Variants in NDUFS1 observed in about 807,000 individuals in gnomAD.
NDUFS1 encodes the protein NADH:ubiquinone oxidoreductase core subunit S1.
Under a neutral mutation model 84.4 loss-of-function variants are expected in NDUFS1, and 61 were observed. That is an observed-to-expected ratio of 0.72 (90% CI 0.59 to 0.89). The LOEUF is 0.89. Ranked by LOEUF, NDUFS1 falls within the 40% of genes least tolerant of loss-of-function variation. The probability of loss-of-function intolerance (pLI) is 0.00; values close to 1 mark genes in which losing one functional copy is unlikely to be tolerated. For missense variants in NDUFS1, 891 were observed against 890.0 expected, an observed-to-expected ratio of 1.00 and a Z score of -0.01; for synonymous variants, 275 against 290.0, an observed-to-expected ratio of 0.95 and a Z score of 0.53.
At chr2:206,126,454 C>A (rs1691294739) in intron 18 of NDUFS1, 85 bp downstream of exon 18, 4 of 1,247,148 alleles carry the variant, frequency 3.2e-6, no homozygotes, top group African/African-American at 1.5e-5. Flanking sequence ...CTATCAATCA[C>A]AAATTGGAAT....
chr2:206,134,234 A>ACTT lies in NDUFS1; in HGVS notation c.1393-1130_1393-1129insAAG, dbSNP rs1446090860. Among the ~76,000 whole-genome samples the ACTT allele has an allele frequency of 4.6e-5, 7 of 152,252 alleles. No individual in the cohort carries two copies. In the East Asian group the frequency reaches 9.6e-4, roughly 21 times the overall value. ...CACACTCTTTCTCACTTAAAAACTC[A>ACTT]AAGAAGCAACACTGTAGAGTATTAT... On this transcript the variant is annotated intron_variant, in intron 13 of 18. Transcript: ENST00000233190.
intron 10 of NDUFS1, 93 bp from the exon 11 acceptor site, chr2:206,142,924 A>G: frequency 2.6e-6 from 4 of 1,524,022 alleles, no homozygotes; most frequent in African/African-American, 2.8e-5. Context: ...CTTGTTTTCA[A>G]GTACAAAAAA....
intron 15 of NDUFS1, among the ~76,000 whole-genome samples, chr2:206,128,787 A>T (rs1691393684): frequency 6.6e-6 from 1 of 152,010 alleles, no homozygotes. Context: ...TCTCAAAAAA[A>T]AAAATTTTTT....
rs1461984901 is a variant in NDUFS1, at chr2:206,132,945, C to G, written c.1553G>C (p.Arg518Thr). The G allele has an allele frequency of 1.9e-6, 3 of 1,611,828 alleles. No individual in the cohort carries two copies. Among genetic ancestry groups the G allele is most frequent in the Non-Finnish European group, 2.5e-6 (3 of 1,178,172 alleles). Residue 518 changes from arginine to threonine, a missense_variant and splice_region_variant, in exon 14 of 19, where the codon AGG (arginine) becomes ACG (threonine). By Grantham distance (71) the Arg-to-Thr change is moderately conservative (BLOSUM62 -1). Transcript: ENST00000233190. The stretch of plus-strand genomic sequence containing the variant: ...TATATAAAGCAATTACTCAACAAAC[C>G]TATGAAGGATATTCATAACTTTCCA... ...GDWKVMNILH[R>T]IASQVAALDL...
chr2:206,136,435 TTTG>T (rs1425492160), intron 13 of NDUFS1, among the ~76,000 whole-genome samples: 2 of 119,282 alleles, frequency 1.7e-5, no homozygotes, highest in Admixed American at 9.1e-5. Flanking sequence ...TGGTTTTTTT[TTTG>T]TTTTTTTTTT....
At position 206,133,033 on chromosome 2, in the gene NDUFS1, T is replaced by C; in HGVS notation, c.1465A>G (p.Ile489Val). The change falls in exon 14 of 19, where the codon ATT becomes GTT. Residue 489 changes from isoleucine (I) to valine (V), a missense_variant. Physicochemically the swap from Ile to Val is conservative, Grantham distance 29 (BLOSUM62 3). Coordinates refer to ENST00000233190, the MANE Select transcript of NDUFS1 (RefSeq NM_005006.7). ...SALQRNDGAAILAAVSSIAQK... is the reference protein window; with the variant it reads ...SALQRNDGAAVLAAVSSIAQK... Reference sequence around the variant, plus strand: ...GCAATGCTAGAAACAGCTGCAAGAATTGCTGCTCCATCATTTCTTTGGAGT... The same window carrying C: ...GCAATGCTAGAAACAGCTGCAAGAACTGCTGCTCCATCATTTCTTTGGAGT... 1.2e-6 allele frequency: 2 copies of C among 1,613,914 alleles called. No homozygotes were observed. The highest frequency in any genetic ancestry group is 1.7e-6 in the Non-Finnish European group (2 of 1,179,842).
intron 14 of NDUFS1, among the ~76,000 whole-genome samples, chr2:206,132,487 CA>C (rs1371179940): frequency 6.6e-6 from 1 of 151,936 alleles, no homozygotes; most frequent in East Asian, 1.9e-4. Context: ...ACTTGGGAGG[CA>C]GGGGTGGGAG....
rs1690924912 is a variant in NDUFS1 at position 206,115,643 on chromosome 2, T to G, written c.*8542A>C. ...AACAGCACCAGCAAATGCAGTGTAT[T>G]GCAAAATTAAGATAGTGTTGTTCTT... On this transcript the variant is annotated 3_prime_UTR_variant, in exon 19 of 19. Transcript: ENST00000233190. The G allele has an allele frequency of 6.0e-6, 2 of 333,638 alleles. No homozygotes were observed. Among genetic ancestry groups the G allele is most frequent in the South Asian group, 5.5e-5 (2 of 36,606 alleles). 20.7% of individuals were successfully genotyped at this position (333,638 alleles called of 1,614,324 possible).
rs1027219512 is a variant in NDUFS1 at position 206,124,296 on chromosome 2, T to C, written c.2093-20A>G. On this transcript the variant is annotated intron_variant, in intron 18 of 18. Transcript: ENST00000233190. ...TTGAATCTGAAAGATATTAAGAAAA[T>C]GTCATTTTGATAATACAACTTTTTA... 3.2e-6 allele frequency: 5 copies of C among 1,571,014 alleles called. No individual in the cohort carries two copies. Among genetic ancestry groups the C allele is most frequent in the Middle Eastern group, 1.7e-4 (1 of 6,006 alleles).
At chr2:206,132,746 C>T (rs563715207) in intron 14 of NDUFS1, among the ~76,000 whole-genome samples, 199 bp downstream of exon 14, 55 of 152,258 alleles carry the variant, frequency 3.6e-4, no homozygotes, top group African/African-American at 1.1e-3. Flanking sequence ...TCAACACTCA[C>T]TGTTATTTCA....
At chr2:206,148,984 T>C (rs116355445) in intron 5 of NDUFS1, 36 bp downstream of exon 5, 1 of 1,473,254 alleles carries the variant, frequency 6.8e-7, no homozygotes, top group African/African-American at 1.4e-5. Context: ...TTTTCTGCTT[T>C]ATGAAAGGGT....
In NDUFS1 at chr2:206,121,191, T is replaced by G. The variant is rs573813119; in HGVS notation, c.*2994A>C. On this transcript the variant is annotated 3_prime_UTR_variant, in exon 19 of 19. Coordinates refer to ENST00000233190, the MANE Select transcript of NDUFS1 (RefSeq NM_005006.7). The stretch of plus-strand genomic sequence containing the variant: ...TCCAAGGTCTTTCTAGATTGCCTTA[T>G]TCACCTAAAGAGACTTGATCTTGAG... 1 of 152,366 alleles carries G rather than the reference T, an allele frequency of 6.6e-6. No individual in the cohort carries two copies. Among genetic ancestry groups the G allele is most frequent in the Admixed American group, 6.5e-5 (1 of 15,300 alleles). 9.4% of individuals were successfully genotyped at this position (152,366 alleles called of 1,614,324 possible). A position where few individuals can be genotyped will look rare whatever the true frequency, so the allele number is the denominator to read the frequency against.
Position 206,122,629 on chromosome 2 carries a change from C to CAAAAAAAAAAAAAAAAAAAAAAAAA in NDUFS1, c.*1555_*1556insTTTTTTTTTTTTTTTTTTTTTTTTT, listed in dbSNP as rs71034409. 2.3e-4 allele frequency: 17 copies of CAAAAAAAAAAAAAAAAAAAAAAAAA among 75,542 alleles called. 3 individuals are homozygous for CAAAAAAAAAAAAAAAAAAAAAAAAA. The highest frequency in any genetic ancestry group is 1.2e-3 in the African/African-American group (17 of 14,562). The allele number at this position is 75,542 out of a possible 1,614,324, so 4.7% of individuals were successfully genotyped here. On this transcript the variant is annotated 3_prime_UTR_variant, in exon 19 of 19. Coordinates refer to ENST00000233190, the MANE Select transcript of NDUFS1 (RefSeq NM_005006.7). ...TGGGTGACAGAGTAAGACTCCATCT[C>CAAAAAAAAAAAAAAAAAAAAAAAAA]AAAAAAAAAAAAAAAACAAAGGGAA... is the stretch of plus-strand genomic sequence containing the variant.
At position 206,130,097 on chromosome 2, in the gene NDUFS1, T is replaced by C. The variant is rs147685849; in HGVS notation, c.1699A>G (p.Ile567Val). The C allele has an allele frequency of 1.1e-5, 18 of 1,614,162 alleles. No homozygotes were observed. The African/African-American group carries it at 2.0e-4, about 18-fold the overall frequency. Residue 567 changes from isoleucine (I) to valine (V), a missense_variant, in exon 15 of 19, where the codon ATT (isoleucine) becomes GTT (valine). By Grantham distance (29) the Ile-to-Val change is conservative. Coordinates refer to ENST00000233190, the MANE Select transcript of NDUFS1 (RefSeq NM_005006.7). Reference sequence around the variant, plus strand: ...CACAGGTGATACTTACCTTGATAAATAATGAAACAATCCTTTGGCAAATCC... The same window carrying C: ...CACAGGTGATACTTACCTTGATAAACAATGAAACAATCCTTTGGCAAATCC... Reference protein sequence around the residue: ...RQDLPKDCFIIYQGHHGDVGA... With the variant: ...RQDLPKDCFIVYQGHHGDVGA...
chr2:206,135,638 T>C (rs1023907255), intron 13 of NDUFS1, among the ~76,000 whole-genome samples: 4 of 150,754 alleles, frequency 2.7e-5, no homozygotes, highest in African/African-American at 9.8e-5. Context: ...GCCACCGTAC[T>C]GCACTCCAGC....
At chr2:206,124,395 A>G in intron 18 of NDUFS1, 119 bp from the exon 19 acceptor site, 1 of 743,260 alleles carries the variant, frequency 1.3e-6, no homozygotes, top group Admixed American at 2.1e-5. Flanking sequence ...ATGCAAGTAT[A>G]TATAATTATA....
At position 206,114,879 on chromosome 2, in the gene NDUFS1, C is replaced by CATAT. The variant is rs1054097903; in HGVS notation, c.*9302_*9305dup. The CATAT allele has an allele frequency of 1.4e-4, 21 of 152,252 alleles. No individual in the cohort carries two copies. The highest frequency in any genetic ancestry group is 4.8e-4 in the African/African-American group (20 of 41,538). 9.4% of individuals were successfully genotyped at this position (152,252 alleles called of 1,614,324 possible). On this transcript the variant is annotated 3_prime_UTR_variant, in exon 19 of 19. Transcript: ENST00000233190. ...CTTTCCATACACACGTAAGCATATA[C>CATAT]ATATATACACACACACACATTATTG...
At chr2:206,148,485 T>C (rs111480754) in intron 5 of NDUFS1, among the ~76,000 whole-genome samples, 252 of 152,098 alleles carry the variant, frequency 1.7e-3, no homozygotes, top group African/African-American at 3.3e-3. Flanking sequence ...TTAGAGAACA[T>C]AGAAAATTAT....
chr2:206,138,820 A>G (rs570130580), intron 12 of NDUFS1, among the ~76,000 whole-genome samples: 9 of 152,370 alleles, frequency 5.9e-5, no homozygotes, highest in Admixed American at 2.0e-4. Flanking sequence ...TTTGCTGTGT[A>G]GAAATGCTAT....
Sources: allele counts gnomAD v4.1 joint callset (sites outside exome capture counted in the v4.1 genomes callset), GRCh38; gene constraint gnomAD v4.1.1; transcripts MANE v1.5; gene names NCBI Gene and HGNC (gene_info 2026-07-23, HGNC 2026-07-21).